Variants in KCNT1 observed in about 807,000 individuals in gnomAD.
KCNT1 encodes the protein potassium sodium-activated channel subfamily T member 1, also known as potassium channel subfamily T member 1.
KCNT1 carries 78 observed loss-of-function variants against 147.8 expected under a neutral mutation model. The ratio of observed to expected loss-of-function variants is 0.53; its 90% CI spans 0.44 to 0.64. The LOEUF is 0.64. KCNT1 is among the 30% of genes least tolerant of loss of function. KCNT1 has a pLI of 0.00. For synonymous variants in KCNT1, 867 were observed against 748.8 expected, an observed-to-expected ratio of 1.16 and a Z score of -2.58; for missense variants, 1,419 against 1,750.3, an observed-to-expected ratio of 0.81 and a Z score of 3.38.
At chr9:135,736,784 A>G in intron 2 of KCNT1, 1 of 374,312 alleles carries the variant, frequency 2.7e-6, no homozygotes, top group Non-Finnish European at 4.8e-6. Context: ...GACGTGGGCC[A>G]GAGGTAGGGG....
chr9:135,786,539 G>A lies in KCNT1; in HGVS notation c.3502+18G>A, dbSNP rs374991913. 328 of 1,566,830 alleles carry A rather than the reference G, an allele frequency of 2.1e-4. 2 individuals carry two copies. The highest frequency in any genetic ancestry group is 7.3e-4 in the Admixed American group (37 of 50,392). ...CGGCTACGGTAAGGGCACACGGCGC[G>A]GGTGGGGGCCGGACGGACGGACTGG... On this transcript the variant is annotated intron_variant, in intron 29 of 30. Transcript: ENST00000371757.
rs1554766004 is a variant in KCNT1, at chr9:135,730,990, T to TGAAAAAAAAAAAAA, written c.254+16270_254+16271insGAAAAAAAAAAAAA. Reference sequence around the variant, plus strand: ...AACAAAGTGAGATCCCGTCTCAAGGTAAAAAAAAAAAAAAAAAAAAAAAGT... The same window carrying TGAAAAAAAAAAAAA: ...AACAAAGTGAGATCCCGTCTCAAGGTGAAAAAAAAAAAAAAAAAAAAAAAAAAAAAAAAAAAAGT... On this transcript the variant is annotated intron_variant, in intron 2 of 30. Coordinates refer to ENST00000371757, the MANE Select transcript of KCNT1 (RefSeq NM_020822.3). The surrounding 1 kb of genome is among the most constrained non-coding windows in gnomAD (Gnocchi z 4.7). Among the ~76,000 whole-genome samples the TGAAAAAAAAAAAAA allele has an allele frequency of 1.2e-5, 1 of 85,594 alleles. No homozygotes were observed. The highest frequency in any genetic ancestry group is 4.5e-5 in the African/African-American group (1 of 22,048). 56.2% of individuals were successfully genotyped at this position (85,594 alleles called of 152,430 possible).
intron 2 of KCNT1, among the ~76,000 whole-genome samples, chr9:135,744,736 G>A (rs1472116156): frequency 6.6e-6 from 1 of 152,216 alleles, no homozygotes; most frequent in African/African-American, 2.4e-5. Flanking sequence ...CCAGGGCCAG[G>A]GTTTGGCCTG....
chr9:135,778,034 C>A (rs541342341), intron 21 of KCNT1, among the ~76,000 whole-genome samples: 78 of 152,282 alleles, frequency 5.1e-4, no homozygotes, highest in African/African-American at 1.7e-3. Context: ...GGTCCTCTCT[C>A]CCCCTTTCCC....
chr9:135,778,883 G>T (rs370702366), intron 23 of KCNT1, 61 bp downstream of exon 23: 1 of 1,577,528 alleles, frequency 6.3e-7, no homozygotes, highest in Non-Finnish European at 8.6e-7. Flanking sequence ...ACGGGCCCTC[G>T]CCCTGAGACC....
At position 135,784,855 on chromosome 9, in the gene KCNT1, A is replaced by G; in HGVS notation, c.3122A>G (p.Tyr1041Cys). 1 of 1,612,718 alleles carries G rather than the reference A, an allele frequency of 6.2e-7. No homozygotes were observed. Among genetic ancestry groups the G allele is most frequent in the Non-Finnish European group, 8.5e-7 (1 of 1,179,970 alleles). ...SSSAEIPIGI[Y>C]RTESHVFSTS... ...AGCGCCGAGATCCCCATTGGCATCT[A>G]CCGGACAGAGAGCCACGTCTTCTCC... The change falls in exon 27 of 31, where the codon TAC becomes TGC. Residue 1041 changes from tyrosine (Y) to cysteine (C), a missense_variant. This residue lies in a region of KCNT1 where 306 missense variants were observed against 294.2 expected (regional missense o/e 1.04). Coordinates refer to ENST00000371757, the MANE Select transcript of KCNT1 (RefSeq NM_020822.3).
chr9:135,778,035 C>G (rs559748236), intron 21 of KCNT1, among the ~76,000 whole-genome samples: 7 of 152,130 alleles, frequency 4.6e-5, no homozygotes, highest in Admixed American at 2.6e-4. Flanking sequence ...GTCCTCTCTC[C>G]CCCTTTCCCC....
intron 2 of KCNT1, among the ~76,000 whole-genome samples, chr9:135,720,136 A>G (rs1195735114): frequency 6.6e-6 from 1 of 151,946 alleles, no homozygotes; most frequent in Non-Finnish European, 1.5e-5. Flanking sequence ...ATGGGTGCAG[A>G]AGGAGGGGGC....
chr9:135,720,486 C>G (rs572286384), intron 2 of KCNT1, among the ~76,000 whole-genome samples: 48 of 152,246 alleles, frequency 3.2e-4, no homozygotes, highest in African/African-American at 1.2e-3. Flanking sequence ...AAGTGCCCTC[C>G]TCCTGCCCAG....
Sources: allele counts gnomAD v4.1 joint callset (sites outside exome capture counted in the v4.1 genomes callset), GRCh38; gene constraint gnomAD v4.1.1; regional missense constraint gnomAD v4.1.1; non-coding constraint Gnocchi (gnomAD v3.1); transcripts MANE v1.5; gene names NCBI Gene and HGNC (gene_info 2026-07-23, HGNC 2026-07-21).